Variants in ASTN2 observed in about 807,000 individuals in gnomAD.
ASTN2 encodes the protein astrotactin 2.
ASTN2 carries 54 observed loss-of-function variants against 139.8 expected under a neutral mutation model. The observed-to-expected ratio is 0.39, with a 90% CI of 0.31 to 0.48. The LOEUF (loss-of-function observed/expected upper bound fraction) is 0.48, where lower values mean the gene tolerates loss of function less well. Among genes scored for constraint, ASTN2 ranks in the 20% least tolerant of loss-of-function variants. ASTN2 has a pLI of 0.95. For synonymous variants in ASTN2, 756 were observed against 719.5 expected (o/e 1.05, Z -0.81); for missense variants, 1,565 against 1,725.1 (o/e 0.91, Z 1.64).
intron 19 of ASTN2, among the ~76,000 whole-genome samples, chr9:116,580,473 C>G (rs1290288177): frequency 6.6e-6 from 1 of 152,132 alleles, no homozygotes; most frequent in East Asian, 1.9e-4. Context: ...GAGCAGAAGA[C>G]AGCCAGCAAA....
chr9:117,139,305 T>C (rs759075206), intron 4 of ASTN2, among the ~76,000 whole-genome samples: 1 of 152,226 alleles, frequency 6.6e-6, no homozygotes, highest in Non-Finnish European at 1.5e-5. Context: ...CACAATAATC[T>C]TCTGATGTAG....
intron 19 of ASTN2, among the ~76,000 whole-genome samples, chr9:116,528,241 A>G (rs912474580): frequency 2.6e-5 from 4 of 152,188 alleles, no homozygotes; most frequent in African/African-American, 9.7e-5. Flanking sequence ...TGAGAAACTT[A>G]TTGGGAACTG....
intron 10 of ASTN2, among the ~76,000 whole-genome samples, chr9:116,932,615 C>T (rs995498271): frequency 2.6e-5 from 4 of 152,026 alleles, no homozygotes; most frequent in African/African-American, 9.7e-5. Flanking sequence ...GAGAGCTAGA[C>T]ATCAGGGACG....
At chr9:116,758,382 G>A (rs1412667386) in intron 13 of ASTN2, among the ~76,000 whole-genome samples, 1 of 152,118 alleles carries the variant, frequency 6.6e-6, no homozygotes, top group Non-Finnish European at 1.5e-5. Context: ...GAGTGCCAGG[G>A]CTCACAGGAC....
chr9:116,954,673 A>G (rs1183477029), intron 10 of ASTN2, among the ~76,000 whole-genome samples: 3 of 151,996 alleles, frequency 2.0e-5, no homozygotes, highest in Non-Finnish European at 1.5e-5. Context: ...TTAAAAAAAA[A>G]CAGGTGATGG....
intron 13 of ASTN2, among the ~76,000 whole-genome samples, chr9:116,758,203 C>T (rs1017235974): frequency 6.6e-6 from 1 of 152,188 alleles, no homozygotes; most frequent in African/African-American, 2.4e-5. Context: ...ATTAATATTG[C>T]TGCTATTGTT....
intron 3 of ASTN2, among the ~76,000 whole-genome samples, chr9:117,186,496 G>A (rs1035791160): frequency 2.2e-4 from 33 of 152,040 alleles, no homozygotes; most frequent in African/African-American, 5.8e-4. Context: ...GCTGTGAGCC[G>A]AAATCACGCC....
chr9:116,749,584 G>A (rs1395615725), intron 13 of ASTN2, among the ~76,000 whole-genome samples: 2 of 152,154 alleles, frequency 1.3e-5, no homozygotes, highest in Non-Finnish European at 2.9e-5. Flanking sequence ...AGCATGCACT[G>A]AAATTGCCAT....
intron 7 of ASTN2, among the ~76,000 whole-genome samples, chr9:116,977,044 G>T (rs949200336): frequency 2.0e-5 from 3 of 152,172 alleles, no homozygotes; most frequent in Non-Finnish European, 2.9e-5. Flanking sequence ...AGAGGTCAAA[G>T]TTGCAACCCA....
At chr9:117,048,249 T>C (rs1302806868) in intron 5 of ASTN2, among the ~76,000 whole-genome samples, 1 of 152,158 alleles carries the variant, frequency 6.6e-6, no homozygotes, top group Non-Finnish European at 1.5e-5. Context: ...GGTGGCCTCA[T>C]TGTCCCACCT....
intron 2 of ASTN2, among the ~76,000 whole-genome samples, chr9:117,252,464 G>T (rs1833564487): frequency 1.3e-5 from 2 of 152,126 alleles, no homozygotes; most frequent in African/African-American, 4.8e-5. Flanking sequence ...TTCTCAAAGT[G>T]CCAGACACGC....
intron 3 of ASTN2, 43 bp from the exon 4 acceptor site, chr9:117,141,521 C>T: frequency 7.4e-7 from 1 of 1,348,598 alleles, no homozygotes; most frequent in South Asian, 1.2e-5. Context: ...TTGAGCCCAC[C>T]CTCAGCACCT....
At chr9:117,376,517 G>T (rs1469265534) in intron 1 of ASTN2, among the ~76,000 whole-genome samples, 1 of 152,150 alleles carries the variant, frequency 6.6e-6, no homozygotes, top group Admixed American at 6.5e-5. Context: ...TGCATTTTAG[G>T]AAATACCAAG....
At chr9:116,962,854 T>C (rs901087619) in intron 10 of ASTN2, among the ~76,000 whole-genome samples, 4 of 152,222 alleles carry the variant, frequency 2.6e-5, no homozygotes, top group Non-Finnish European at 5.9e-5. Context: ...GATTGAATGA[T>C]ACTTTGAGAT....
At chr9:116,645,221 T>C (rs567783652) in intron 17 of ASTN2, among the ~76,000 whole-genome samples, 2 of 152,260 alleles carry the variant, frequency 1.3e-5, no homozygotes, top group South Asian at 4.2e-4. Context: ...GGAGCTAAGT[T>C]AACAACCACA....
intron 10 of ASTN2, among the ~76,000 whole-genome samples, chr9:116,869,757 C>T (rs1480734890): frequency 2.0e-5 from 3 of 152,066 alleles, no homozygotes; most frequent in Non-Finnish European, 2.9e-5. Context: ...TTTTGTAATA[C>T]ACAAACAATC....
chr9:116,630,138 A>C (rs1856673173), intron 17 of ASTN2, among the ~76,000 whole-genome samples: 1 of 152,198 alleles, frequency 6.6e-6, no homozygotes, highest in African/African-American at 2.4e-5. Flanking sequence ...TTTGTAGAGC[A>C]ACACCATGAA....
intron 2 of ASTN2, among the ~76,000 whole-genome samples, chr9:117,225,535 G>GTATATATATGTGTATATATATATA: frequency 1.6e-5 from 1 of 63,962 alleles, no homozygotes; most frequent in East Asian, 2.5e-3. Flanking sequence ...CAAGCTGTAT[G>GTATATATATGTGTATATATATATA]TATATATATA....
At chr9:116,600,323 C>CAAA (rs35224783) in intron 19 of ASTN2, among the ~76,000 whole-genome samples, 64 of 118,878 alleles carry the variant, frequency 5.4e-4, no homozygotes, top group Non-Finnish European at 7.2e-4. Context: ...GACCCTGTCT[C>CAAA]AAAAAAAAAA....
Sources: gnomAD v4.1 joint callset for allele counts (sites outside exome capture counted in the v4.1 genomes callset) on GRCh38, gnomAD v4.1.1 for gene constraint, MANE v1.5 for transcripts, NCBI Gene and HGNC (gene_info 2026-07-23, HGNC 2026-07-21) for gene names.